Variants in SYNE1 observed in about 807,000 individuals in gnomAD.
The protein encoded by SYNE1 is nesprin-1.
In SYNE1, 616 loss-of-function variants were observed where a neutral mutation model predicts 1,111.0. The observed-to-expected ratio is 0.55, with a 90% CI of 0.52 to 0.59. The LOEUF is 0.59. Ranked by LOEUF, SYNE1 falls within the 20% of genes least tolerant of loss-of-function variation. The pLI is 0.00. For missense variants in SYNE1, 10,006 were observed against 10,417.0 expected, an observed-to-expected ratio of 0.96 and a Z score of 1.72; for synonymous variants, 3,855 against 3,825.8, an observed-to-expected ratio of 1.01 and a Z score of -0.28.
At chr6:152,613,921 C>T (rs1416396678) in intron 3 of SYNE1, among the ~76,000 whole-genome samples, 1 of 152,190 alleles carries the variant, frequency 6.6e-6, no homozygotes, top group Non-Finnish European at 1.5e-5. Flanking sequence ...GCTGGGAAAA[C>T]TGGCTAGCCA....
Position 152,427,740 on chromosome 6 carries a change from TG to T in SYNE1, c.5052del (p.Asp1684GlufsTer15), listed in dbSNP as rs1456944543. On this transcript the variant is annotated frameshift_variant, in exon 38 of 146. Transcript: ENST00000367255. LOFTEE classifies it high-confidence loss of function. ...GEAKASSPEM[D>X]ISADRVKVEG... The stretch of plus-strand genomic sequence containing the variant: ...TCCACTTTGACTCTGTCTGCAGAAA[TG>T]TCCATTTCTGGGGAACTGGCTTTAG... The T allele has an allele frequency of 6.2e-7, 1 of 1,614,192 alleles. No individual in the cohort carries two copies. Among genetic ancestry groups the T allele is most frequent in the Non-Finnish European group, 8.5e-7 (1 of 1,180,026 alleles).
intron 130 of SYNE1, 67 bp from the exon 131 acceptor site, chr6:152,164,392 G>A: frequency 6.3e-7 from 1 of 1,587,470 alleles, no homozygotes; most frequent in Non-Finnish European, 8.6e-7. Context: ...CTAGCGTGCA[G>A]AGGAGAACAC....
intron 3 of SYNE1, among the ~76,000 whole-genome samples, chr6:152,575,976 A>G (rs752885783): frequency 6.6e-6 from 1 of 152,256 alleles, no homozygotes; most frequent in Non-Finnish European, 1.5e-5. Flanking sequence ...GGAAACGGCT[A>G]TTGCATAATC....
chr6:152,405,618 C>A (rs928818880), intron 45 of SYNE1, among the ~76,000 whole-genome samples: 3 of 152,160 alleles, frequency 2.0e-5, no homozygotes, highest in Non-Finnish European at 2.9e-5. Flanking sequence ...TTGTTTTTAA[C>A]AGTGGCTCCC....
At chr6:152,246,217 G>C (rs2087090652) in intron 105 of SYNE1, among the ~76,000 whole-genome samples, 7 of 152,006 alleles carry the variant, frequency 4.6e-5, no homozygotes, top group Admixed American at 4.6e-4. Flanking sequence ...TCCTAAACCT[G>C]AATAGGCAAC....
Position 152,143,757 on chromosome 6 carries a change from T to A in SYNE1, c.24985A>T (p.Ser8329Cys). Residue 8329 changes from serine (S) to cysteine (C), a missense_variant, in exon 138 of 146, where the codon AGT (serine) becomes TGT (cysteine). Ser to Cys is a moderately radical substitution (Grantham distance 112). Transcript: ENST00000367255. Reference protein sequence around the residue: ...RGAVGLSGDHSALESQIRQLG... With the variant: ...RGAVGLSGDHCALESQIRQLG... ...TGTCGGATCTGTGACTCTAGGGCAC[T>A]GTGGTCCCCTGCGGTGGCAACCATA... The A allele has an allele frequency of 6.2e-7, 1 of 1,614,236 alleles. No individual in the cohort carries two copies. The highest frequency in any genetic ancestry group is 8.5e-7 in the Non-Finnish European group (1 of 1,180,046).
At chr6:152,514,115 AC>A (rs1037669043) in intron 6 of SYNE1, among the ~76,000 whole-genome samples, 13 of 152,144 alleles carry the variant, frequency 8.5e-5, no homozygotes, top group Non-Finnish European at 1.5e-5. Context: ...TGACCCAGCA[AC>A]CCCATTACTG....
chr6:152,459,254 A>T (rs558890680), intron 21 of SYNE1, among the ~76,000 whole-genome samples: 50 of 152,276 alleles, frequency 3.3e-4, no homozygotes, highest in Admixed American at 1.0e-3. Flanking sequence ...TTCATAAACC[A>T]TGCAACTCAT....
intron 45 of SYNE1, among the ~76,000 whole-genome samples, chr6:152,406,544 G>C (rs1006608170): frequency 4.0e-5 from 6 of 151,368 alleles, no homozygotes; most frequent in African/African-American, 1.5e-4. Flanking sequence ...AGATAGTTAA[G>C]AGTTCTCTAA....
intron 111 of SYNE1, 135 bp downstream of exon 111, chr6:152,234,520 CCTGACCTCGTGAT>C: frequency 1.1e-6 from 1 of 892,476 alleles, no homozygotes; most frequent in South Asian, 1.3e-5. Flanking sequence ...GTCCCGAACT[CCTGACCTCGTGAT>C]CTGACTGCTT....
At chr6:152,456,752 G>A in intron 22 of SYNE1, 1 of 449,286 alleles carries the variant, frequency 2.2e-6, no homozygotes, top group South Asian at 1.6e-5. Flanking sequence ...GCACAAGGCA[G>A]AGGGTCATTT....
chr6:152,345,077 ATTC>A (rs2096607217), intron 73 of SYNE1, among the ~76,000 whole-genome samples: 1 of 152,118 alleles, frequency 6.6e-6, no homozygotes, highest in African/African-American at 2.4e-5. Context: ...TCCCTTATTT[ATTC>A]TTATTCCAAG....
In SYNE1 at chr6:152,416,730, C is replaced by T; in HGVS notation, c.5707G>A (p.Asp1903Asn). 1 of 1,614,220 alleles carries T rather than the reference C, an allele frequency of 6.2e-7. No individual in the cohort carries two copies. Among genetic ancestry groups the T allele is most frequent in the Non-Finnish European group, 8.5e-7 (1 of 1,180,044 alleles). The change falls in exon 41 of 146, where the codon GAT becomes AAT. Residue 1903 changes from aspartate to asparagine, a missense_variant. Transcript: ENST00000367255. ...ATNSMNKNES[D>N]LIEKDLNDAL... ...TCATTGAGGTCCTTTTCTATCAAAT[C>T]AGACTCGTTCTTATTCATACTGTTG...
rs113526858 is a variant in SYNE1, at chr6:152,189,242, C to T, written c.23301+10G>A. 36 of 1,613,226 alleles carry T rather than the reference C, an allele frequency of 2.2e-5. No homozygotes were observed. Among genetic ancestry groups the T allele is most frequent in the African/African-American group, 2.0e-4 (15 of 74,940 alleles). On this transcript the variant is annotated intron_variant, in intron 128 of 145. Transcript: ENST00000367255. ...CATCAAGATAATTCCATTTTTAGAACTTATCTTACCTGGTGGCATAGTTCT... is the reference window on the plus strand; with the variant it reads ...CATCAAGATAATTCCATTTTTAGAATTTATCTTACCTGGTGGCATAGTTCT...
intron 93 of SYNE1, among the ~76,000 whole-genome samples, chr6:152,297,971 T>G (rs945137397): frequency 2.0e-5 from 3 of 152,232 alleles, no homozygotes; most frequent in Non-Finnish European, 2.9e-5. Context: ...CACTCAGTAC[T>G]ATAAATAACT....
intron 111 of SYNE1, 93 bp downstream of exon 111, chr6:152,234,575 G>T: frequency 6.7e-7 from 1 of 1,488,770 alleles, no homozygotes; most frequent in East Asian, 2.3e-5. Context: ...ACAGGTGTGA[G>T]CCACCGCACC....
In SYNE1 at chr6:152,297,781, CTGTGTGTGTG is replaced by C. The variant is rs377152081; in HGVS notation, c.17682+2850_17682+2859del. ...ATAATTTTTTTCTGGCAGTCTCACTCTGTGTGTGTGTGTGTGTGTGTGTGTGTGTGTGTGT... is the reference window on the plus strand; with the variant it reads ...ATAATTTTTTTCTGGCAGTCTCACTCTGTGTGTGTGTGTGTGTGTGTGTGT... On this transcript the variant is annotated intron_variant, in intron 93 of 145. Coordinates refer to ENST00000367255, the MANE Select transcript of SYNE1 (RefSeq NM_182961.4). Among the ~76,000 whole-genome samples the C allele has an allele frequency of 4.4e-3, 529 of 119,856 alleles. 9 individuals carry two copies. Among genetic ancestry groups the C allele is most frequent in the East Asian group, 0.031 (135 of 4,384 alleles). 78.6% of individuals were successfully genotyped at this position (119,856 alleles called of 152,430 possible).
chr6:152,459,728 C>G (rs1297644190), intron 21 of SYNE1, among the ~76,000 whole-genome samples: 2 of 152,064 alleles, frequency 1.3e-5, no homozygotes, highest in Admixed American at 1.3e-4. Flanking sequence ...TTTCAGATAA[C>G]CAGGGAAAGG....
chr6:152,591,413 G>T (rs1197219994), intron 3 of SYNE1, among the ~76,000 whole-genome samples: 2 of 152,160 alleles, frequency 1.3e-5, no homozygotes, highest in Non-Finnish European at 2.9e-5. Flanking sequence ...ATGGGAAAAG[G>T]ACTTCCTATT....
Sources: gnomAD v4.1 joint callset for allele counts (sites outside exome capture counted in the v4.1 genomes callset) on GRCh38, gnomAD v4.1.1 for gene constraint, MANE v1.5 for transcripts, NCBI Gene and HGNC (gene_info 2026-07-23, HGNC 2026-07-21) for gene names.